The following PPARGC1A variants were observed in gnomAD, a reference collection of about 807,000 sequenced individuals.
PPARGC1A encodes PPARG coactivator 1 alpha, also known as peroxisome proliferator-activated receptor gamma coactivator 1-alpha.
Under a neutral mutation model 88.7 loss-of-function variants are expected in PPARGC1A, and 25 were observed. That is an observed-to-expected ratio of 0.28 (90% CI 0.21 to 0.39). The LOEUF is 0.39. Among genes scored for constraint, PPARGC1A ranks in the 10% least tolerant of loss-of-function variants. The pLI, the probability that PPARGC1A is intolerant of heterozygous loss-of-function variation, is 1.00. For missense variants in PPARGC1A, 880 were observed against 968.7 expected (o/e 0.91, Z 1.22); for synonymous variants, 363 against 355.6 (o/e 1.02, Z -0.24).
the PPARGC1A span, among the ~76,000 whole-genome samples, chr4:24,191,755 G>A: frequency 6.6e-6 from 1 of 152,176 alleles, no homozygotes; most frequent in East Asian, 1.9e-4. Flanking sequence ...GGCCACAGCT[G>A]GCACAGATAA....
the PPARGC1A span, among the ~76,000 whole-genome samples, chr4:24,010,249 T>C: frequency 6.6e-6 from 1 of 152,330 alleles, no homozygotes; most frequent in Non-Finnish European, 1.5e-5. Context: ...AATGACTTGT[T>C]CATATGTTCA....
chr4:24,120,414 T>C, the PPARGC1A span, among the ~76,000 whole-genome samples: 1 of 152,222 alleles, frequency 6.6e-6, no homozygotes, highest in African/African-American at 2.4e-5. Flanking sequence ...CAAGATTTAT[T>C]GTGTACTTAT....
the PPARGC1A span, among the ~76,000 whole-genome samples, chr4:24,293,612 T>C: frequency 0.013 from 960 of 73,204 alleles, 50 homozygotes; most frequent in East Asian, 0.082. Context: ...CCTTCCTGTG[T>C]TCCTCCCTAT....
At chr4:24,028,610 C>G in the PPARGC1A span, among the ~76,000 whole-genome samples, 1 of 152,300 alleles carries the variant, frequency 6.6e-6, no homozygotes, top group South Asian at 2.1e-4. Context: ...GGTTCTGGAA[C>G]CAGCTGCCTG....
At chr4:24,214,879 G>C in the PPARGC1A span, among the ~76,000 whole-genome samples, 1 of 152,148 alleles carries the variant, frequency 6.6e-6, no homozygotes, top group African/African-American at 2.4e-5. Context: ...AGATCTACTT[G>C]GCAGAAATGG....
chr4:24,057,178 C>CTAAGTGAAA, the PPARGC1A span, among the ~76,000 whole-genome samples: 5 of 152,162 alleles, frequency 3.3e-5, no homozygotes, highest in African/African-American at 1.2e-4. Flanking sequence ...AGACATTATG[C>CTAAGTGAAA]TAAGTGAAAT....
the PPARGC1A span, among the ~76,000 whole-genome samples, chr4:24,209,668 A>C: frequency 2.6e-5 from 4 of 152,230 alleles, no homozygotes; most frequent in Non-Finnish European, 5.9e-5. Flanking sequence ...AGCATTGCCT[A>C]GATTGTAGTC....
At chr4:23,831,475 C>T in intron 3 of PPARGC1A, 82 bp downstream of exon 3, 1 of 1,288,782 alleles carries the variant, frequency 7.8e-7, no homozygotes, top group Non-Finnish European at 1.1e-6. Flanking sequence ...AAATCCAAAC[C>T]TTATTGTGAC....
the PPARGC1A span, among the ~76,000 whole-genome samples, chr4:24,240,070 A>C: frequency 6.6e-6 from 1 of 152,212 alleles, no homozygotes; most frequent in Non-Finnish European, 1.5e-5. Context: ...AATGCTTTGT[A>C]TAAATGGAAA....
the PPARGC1A span, among the ~76,000 whole-genome samples, chr4:24,082,544 G>A: frequency 6.6e-6 from 1 of 152,178 alleles, no homozygotes; most frequent in East Asian, 1.9e-4. Context: ...GAAAATTGCG[G>A]CTTTTGCACC....
chr4:24,219,042 T>C, the PPARGC1A span, among the ~76,000 whole-genome samples: 2 of 152,226 alleles, frequency 1.3e-5, no homozygotes, highest in African/African-American at 2.4e-5. Flanking sequence ...ATTGTAGTGC[T>C]ATTTGTGTGG....
rs556744821 is a variant in PPARGC1A at position 23,835,615 on chromosome 4, T to C, written c.235-3864A>G. ...ACAAATGATTATTCGATATTATTGT[T>C]ATCTCTGTATGTGGGTGACTCACAG... On this transcript the variant is annotated intron_variant, in intron 2 of 12. Coordinates refer to ENST00000264867, the MANE Select transcript of PPARGC1A (RefSeq NM_013261.5). Among the ~76,000 whole-genome samples the C allele has an allele frequency of 2.0e-5, 3 of 152,264 alleles. No homozygotes were observed. The East Asian group carries it at 5.8e-4, about 29-fold the overall frequency.
the PPARGC1A span, among the ~76,000 whole-genome samples, chr4:24,366,040 C>T: frequency 1.3e-5 from 2 of 152,312 alleles, no homozygotes; most frequent in Admixed American, 1.3e-4. Context: ...AACATTCCCT[C>T]ACTCTCTAGC....
At chr4:24,287,175 C>A in the PPARGC1A span, among the ~76,000 whole-genome samples, 5 of 151,260 alleles carry the variant, frequency 3.3e-5, no homozygotes, top group South Asian at 1.1e-3. Context: ...CTACTAGATG[C>A]CAGTATTACC....
chr4:23,808,374 A>G (rs750018239), intron 10 of PPARGC1A, among the ~76,000 whole-genome samples: 6 of 152,070 alleles, frequency 3.9e-5, no homozygotes, highest in Non-Finnish European at 8.8e-5. Context: ...ACCAACAGAG[A>G]AGTGAAGCAG....
chr4:24,176,542 G>A, the PPARGC1A span, among the ~76,000 whole-genome samples: 1 of 152,120 alleles, frequency 6.6e-6, no homozygotes, highest in African/African-American at 2.4e-5. Context: ...TAAGGAACTA[G>A]AAAACAGCCA....
At chr4:24,080,778 A>G in the PPARGC1A span, among the ~76,000 whole-genome samples, 4 of 152,260 alleles carry the variant, frequency 2.6e-5, no homozygotes, top group East Asian at 5.8e-4. Context: ...GTAGAAATAT[A>G]TTCAAGGTTA....
chr4:24,136,568 CA>C, the PPARGC1A span, among the ~76,000 whole-genome samples: 3 of 152,148 alleles, frequency 2.0e-5, no homozygotes, highest in Non-Finnish European at 4.4e-5. Flanking sequence ...TCGCCTTCAG[CA>C]GAAGCACAGC....
At chr4:23,924,720 G>T in the PPARGC1A span, among the ~76,000 whole-genome samples, 2 of 152,142 alleles carry the variant, frequency 1.3e-5, no homozygotes, top group Non-Finnish European at 2.9e-5. Flanking sequence ...ACAGCACCAT[G>T]CCTAGACATG....
Sources: gnomAD v4.1 joint callset for allele counts (sites outside exome capture counted in the v4.1 genomes callset) on GRCh38, gnomAD v4.1.1 for gene constraint, MANE v1.5 for transcripts, NCBI Gene and HGNC (gene_info 2026-07-23, HGNC 2026-07-21) for gene names.